The following ACSS1 variants were observed in gnomAD, a reference collection of about 807,000 sequenced individuals.
ACSS1 encodes the protein acetyl-coenzyme A synthetase 2-like, mitochondrial.
In ACSS1, 42 loss-of-function variants were observed where a neutral mutation model predicts 75.3. The observed-to-expected ratio is 0.56, with a 90% CI of 0.44 to 0.72. The LOEUF is 0.72. ACSS1 is among the 30% of genes least tolerant of loss of function. The pLI is 0.00. For missense variants in ACSS1, 782 were observed against 935.7 expected, an observed-to-expected ratio of 0.84 and a Z score of 2.14; for synonymous variants, 380 against 376.8, an observed-to-expected ratio of 1.01 and a Z score of -0.10.
intron 6 of ACSS1, among the ~76,000 whole-genome samples, chr20:25,020,665 G>A (rs1309898427): frequency 6.6e-6 from 1 of 152,238 alleles, no homozygotes; most frequent in Non-Finnish European, 1.5e-5. Context: ...CTGAAGTGGT[G>A]GCCTGAGACA....
At chr20:25,029,921 A>G (rs2088792486) in intron 3 of ACSS1, among the ~76,000 whole-genome samples, 1 of 152,244 alleles carries the variant, frequency 6.6e-6, no homozygotes, top group Admixed American at 6.5e-5. Context: ...AGTGCTTAGA[A>G]CAGTGCCTGG....
intron 2 of ACSS1, chr20:25,046,706 G>A (rs1322190750): frequency 5.5e-6 from 4 of 731,722 alleles, no homozygotes; most frequent in South Asian, 1.5e-5. Flanking sequence ...ATGGAGCTGG[G>A]CCCACCGTGG....
At chr20:25,045,581 G>A (rs1425580060) in intron 2 of ACSS1, among the ~76,000 whole-genome samples, 2 of 152,232 alleles carry the variant, frequency 1.3e-5, no homozygotes, top group Non-Finnish European at 2.9e-5. Flanking sequence ...CAGGCTGCTA[G>A]TCTGGACATT....
rs577717140 is a variant in ACSS1 at position 25,024,151 on chromosome 20, A to C, written c.632-510T>G. Among the ~76,000 whole-genome samples the C allele has an allele frequency of 5.3e-5, 8 of 152,196 alleles. No individual in the cohort carries two copies. In the South Asian group the frequency reaches 1.7e-3, roughly 32 times the overall value. ...CTTCACTGTCCAGAGATCAGAAACC[A>C]CACCCCAGTGGATGACTGGGAGCTG... On this transcript the variant is annotated intron_variant, in intron 3 of 13. Coordinates refer to ENST00000323482, the MANE Select transcript of ACSS1 (RefSeq NM_032501.4).
chr20:25,016,786 G>A (rs895634387), intron 7 of ACSS1, among the ~76,000 whole-genome samples: 1 of 152,264 alleles, frequency 6.6e-6, no homozygotes. Flanking sequence ...GGCAAAGCAG[G>A]TCCGTGTGGA....
chr20:25,046,851 A>G, intron 2 of ACSS1: 1 of 779,804 alleles, frequency 1.3e-6, no homozygotes, highest in Non-Finnish European at 2.4e-6. Flanking sequence ...CCTATGGGCC[A>G]CACGGCATCT....
At chr20:25,025,627 C>T (rs149106596) in intron 3 of ACSS1, among the ~76,000 whole-genome samples, 184 of 152,260 alleles carry the variant, frequency 1.2e-3, no homozygotes, top group African/African-American at 4.4e-3. Flanking sequence ...GAGTATCCAC[C>T]TCCAGGCCAT....
chr20:25,047,772 T>C (rs1465185888), intron 2 of ACSS1, among the ~76,000 whole-genome samples: 1 of 152,128 alleles, frequency 6.6e-6, no homozygotes, highest in African/African-American at 2.4e-5. Context: ...GAAGCATGCT[T>C]GGCACATAGA....
At chr20:25,032,696 A>G in intron 2 of ACSS1, 1 of 1,182,076 alleles carries the variant, frequency 8.5e-7, no homozygotes, top group Non-Finnish European at 1.0e-6. Context: ...AGGGTAGTCA[A>G]GGAAAGGGCT....
At chr20:25,034,980 C>A (rs1344537897) in intron 2 of ACSS1, among the ~76,000 whole-genome samples, 1 of 152,036 alleles carries the variant, frequency 6.6e-6, no homozygotes, top group Non-Finnish European at 1.5e-5. Flanking sequence ...GCAAGCTCCG[C>A]CCCCTGGGTT....
At chr20:25,052,859 G>C (rs1343672986) in intron 1 of ACSS1, among the ~76,000 whole-genome samples, 1 of 152,220 alleles carries the variant, frequency 6.6e-6, no homozygotes, top group Admixed American at 6.5e-5. Flanking sequence ...CCCGTGGCTG[G>C]GGCAGGGGTT....
At chr20:25,037,691 G>A (rs2088936011) in intron 2 of ACSS1, among the ~76,000 whole-genome samples, 1 of 152,244 alleles carries the variant, frequency 6.6e-6, no homozygotes, top group Non-Finnish European at 1.5e-5. Context: ...CGTAGTAAGA[G>A]AAGAAAGGAT....
At chr20:25,036,157 A>G (rs1254979386) in intron 2 of ACSS1, among the ~76,000 whole-genome samples, 1 of 152,136 alleles carries the variant, frequency 6.6e-6, no homozygotes. Context: ...ACTGAGCAGG[A>G]TATTTAGGTT....
At chr20:25,041,165 G>A (rs961263174) in intron 2 of ACSS1, among the ~76,000 whole-genome samples, 3 of 151,664 alleles carry the variant, frequency 2.0e-5, no homozygotes, top group East Asian at 1.9e-4. Context: ...GGCTGAGGCA[G>A]GAGAATGGCG....
intron 5 of ACSS1, 111 bp downstream of exon 5, chr20:25,022,829 A>C: frequency 7.2e-7 from 1 of 1,387,714 alleles, no homozygotes; most frequent in Non-Finnish European, 9.5e-7. Context: ...GGCCAGGAAG[A>C]AACACTGACC....
intron 2 of ACSS1, among the ~76,000 whole-genome samples, chr20:25,042,866 T>G (rs941799276): frequency 2.6e-5 from 4 of 152,024 alleles, no homozygotes; most frequent in Non-Finnish European, 5.9e-5. Flanking sequence ...CGGACCCTCA[T>G]CCTCCAGACA....
At chr20:25,012,288 C>A in intron 12 of ACSS1, 1 of 440,848 alleles carries the variant, frequency 2.3e-6, no homozygotes. Flanking sequence ...TGGGGCTGGA[C>A]GGTGTCCCCA....
At chr20:25,055,846 T>C (rs2089234002) in intron 1 of ACSS1, among the ~76,000 whole-genome samples, 1 of 152,200 alleles carries the variant, frequency 6.6e-6, no homozygotes, top group African/African-American at 2.4e-5. Context: ...CACGACTTTC[T>C]AGATGCTCCC....
intron 2 of ACSS1, chr20:25,032,650 G>C (rs74863497): frequency 3.3e-6 from 4 of 1,221,170 alleles, no homozygotes; most frequent in Non-Finnish European, 4.1e-6. Flanking sequence ...TCTCAAGGCC[G>C]CTCGCAGCGT....
Sources: allele counts gnomAD v4.1 joint callset (sites outside exome capture counted in the v4.1 genomes callset), GRCh38; gene constraint gnomAD v4.1.1; transcripts MANE v1.5; gene names NCBI Gene and HGNC (gene_info 2026-07-23, HGNC 2026-07-21).